The following GRM5 variants were observed in gnomAD, a reference collection of about 807,000 sequenced individuals.
The protein encoded by GRM5 is glutamate metabotropic receptor 5.
GRM5 carries 19 observed loss-of-function variants against 83.1 expected under a neutral mutation model. That is an observed-to-expected ratio of 0.23 (90% CI 0.16 to 0.34). The LOEUF is 0.34. Ranked by LOEUF, GRM5 falls within the 10% of genes least tolerant of loss-of-function variation. The pLI is 1.00. For synonymous variants in GRM5, 675 were observed against 633.6 expected, an observed-to-expected ratio of 1.07 and a Z score of -0.98; for missense variants, 1,160 against 1,588.3, an observed-to-expected ratio of 0.73 and a Z score of 4.58.
chr11:89,008,653 A>C (rs1477565839), intron 2 of GRM5, among the ~76,000 whole-genome samples: 1 of 152,226 alleles, frequency 6.6e-6, no homozygotes, highest in Non-Finnish European at 1.5e-5. Context: ...CTCCAGTATA[A>C]AATTTCATTA....
rs566147881 is a variant in GRM5 at position 89,036,470 on chromosome 11, C to T, written c.661+10742G>A. 3.3e-5 allele frequency among the ~76,000 whole-genome samples: 5 copies of T among 152,132 alleles called. No homozygotes were observed. The South Asian group carries it at 1.0e-3, about 32-fold the overall frequency. On this transcript the variant is annotated intron_variant, in intron 2 of 9. Coordinates refer to ENST00000305447, the MANE Select transcript of GRM5 (RefSeq NM_001143831.3). ...TCTTCAAGGCCAAGATAAGGCAAGACAGGTTCTTGGCAGGAAAATTTAGAA... is the reference window on the plus strand; with the variant it reads ...TCTTCAAGGCCAAGATAAGGCAAGATAGGTTCTTGGCAGGAAAATTTAGAA...
chr11:88,648,228 C>G (rs1219814240), intron 4 of GRM5, among the ~76,000 whole-genome samples: 2 of 148,692 alleles, frequency 1.3e-5, no homozygotes, highest in Non-Finnish European at 3.0e-5. Flanking sequence ...GCATTATTCA[C>G]AATAGCAAAG....
chr11:88,587,484 T>C (rs1317900569), intron 7 of GRM5, among the ~76,000 whole-genome samples: 2 of 152,130 alleles, frequency 1.3e-5, no homozygotes, highest in African/African-American at 4.8e-5. Flanking sequence ...GAGGACATTT[T>C]GTATGTCATA....
chr11:88,710,837 G>A (rs1247015589), intron 3 of GRM5, among the ~76,000 whole-genome samples: 3 of 151,882 alleles, frequency 2.0e-5, no homozygotes, highest in African/African-American at 7.3e-5. Flanking sequence ...CCAAGTTTGA[G>A]GATTTAAAAA....
chr11:88,990,381 A>G (rs1939922352), intron 2 of GRM5, among the ~76,000 whole-genome samples: 1 of 150,470 alleles, frequency 6.6e-6, no homozygotes, highest in South Asian at 2.1e-4. Context: ...TAGCTTACCA[A>G]CCAAAAAGAG....
chr11:88,658,734 T>C (rs142260011), intron 3 of GRM5, among the ~76,000 whole-genome samples: 2 of 152,298 alleles, frequency 1.3e-5, no homozygotes, highest in East Asian at 3.9e-4. Context: ...TTTTGAAATA[T>C]TGTTTTCTAT....
At chr11:88,570,082 C>T (rs1279369578) in intron 7 of GRM5, among the ~76,000 whole-genome samples, 1 of 152,076 alleles carries the variant, frequency 6.6e-6, no homozygotes, top group Non-Finnish European at 1.5e-5. Flanking sequence ...GGGAATTATT[C>T]TTCCCCTTAT....
intron 2 of GRM5, among the ~76,000 whole-genome samples, chr11:88,865,082 C>A (rs1944639877): frequency 6.6e-6 from 1 of 152,068 alleles, no homozygotes; most frequent in Non-Finnish European, 1.5e-5. Flanking sequence ...GAAAACATTC[C>A]ATGCTCATGA....
chr11:88,728,632 A>C (rs1181687813), intron 3 of GRM5, among the ~76,000 whole-genome samples: 26 of 152,204 alleles, frequency 1.7e-4, no homozygotes, highest in Admixed American at 1.6e-3. Flanking sequence ...TCAATAAAAT[A>C]CTGGCAAAAT....
intron 8 of GRM5, among the ~76,000 whole-genome samples, chr11:88,534,304 C>T (rs766734826): frequency 5.9e-5 from 9 of 152,202 alleles, no homozygotes; most frequent in Non-Finnish European, 8.8e-5. Flanking sequence ...CACTCAACAC[C>T]AGCCTGTGAA....
At chr11:88,829,946 G>T (rs1004400242) in intron 3 of GRM5, among the ~76,000 whole-genome samples, 8 of 152,076 alleles carry the variant, frequency 5.3e-5, no homozygotes, top group African/African-American at 1.9e-4. Flanking sequence ...AAGCCAAAGA[G>T]AAATGTGAGG....
At chr11:88,631,612 T>C (rs1274700486) in intron 4 of GRM5, among the ~76,000 whole-genome samples, 2 of 152,200 alleles carry the variant, frequency 1.3e-5, no homozygotes, top group African/African-American at 4.8e-5. Context: ...GGCCCCCGGT[T>C]ACAGAGTGAG....
intron 2 of GRM5, among the ~76,000 whole-genome samples, chr11:88,990,688 G>A (rs556705421): frequency 3.1e-4 from 47 of 150,684 alleles, no homozygotes; most frequent in African/African-American, 1.1e-3. Context: ...TTCATCCCTG[G>A]GATGCAAGGC....
chr11:89,042,400 A>G (rs1941555144), intron 2 of GRM5, among the ~76,000 whole-genome samples: 1 of 152,214 alleles, frequency 6.6e-6, no homozygotes, highest in African/African-American at 2.4e-5. Flanking sequence ...CAACTCTGCA[A>G]CTAATTATCT....
rs183863857 is a variant in GRM5 at position 88,923,165 on chromosome 11, G to A, written c.662-73010C>T. 3.1e-3 allele frequency among the ~76,000 whole-genome samples: 476 copies of A among 152,088 alleles called. 3 individuals are homozygous for A. The highest frequency in any genetic ancestry group is 0.011 in the African/African-American group (456 of 41,502). On this transcript the variant is annotated intron_variant, in intron 2 of 9. Transcript: ENST00000305447. ...GTGGAGGGTCCTCAGAAAACTACAA[G>A]TAAAACCACCATATGATTCAGAAAT...
At chr11:88,975,839 T>A (rs1324889793) in intron 2 of GRM5, among the ~76,000 whole-genome samples, 2 of 152,226 alleles carry the variant, frequency 1.3e-5, no homozygotes, top group Non-Finnish European at 2.9e-5. Context: ...CAAACATTGG[T>A]AAGTCAATTG....
chr11:88,711,792 C>G (rs1405251026), intron 3 of GRM5, among the ~76,000 whole-genome samples: 1 of 70,574 alleles, frequency 1.4e-5, no homozygotes, highest in Non-Finnish European at 3.2e-5. Context: ...GAATAAGGAA[C>G]AAAAGTTTAG....
chr11:88,965,061 T>C (rs185423370), intron 2 of GRM5, among the ~76,000 whole-genome samples: 2 of 152,196 alleles, frequency 1.3e-5, no homozygotes. Flanking sequence ...GCATTTTCTA[T>C]AGGTGTTATA....
At chr11:89,028,595 A>G (rs572409911) in intron 2 of GRM5, among the ~76,000 whole-genome samples, 1 of 152,304 alleles carries the variant, frequency 6.6e-6, no homozygotes, top group East Asian at 1.9e-4. Flanking sequence ...ACCTTGTCAG[A>G]AAGACAAAAA....
Sources: gnomAD v4.1 joint callset for allele counts (sites outside exome capture counted in the v4.1 genomes callset) on GRCh38, gnomAD v4.1.1 for gene constraint, MANE v1.5 for transcripts, NCBI Gene and HGNC (gene_info 2026-07-23, HGNC 2026-07-21) for gene names.